Variants in MAP4K3 observed in about 807,000 individuals in gnomAD.
The protein encoded by MAP4K3 is MAPK/ERK kinase kinase kinase 3.
In MAP4K3, 94 loss-of-function variants were observed where a neutral mutation model predicts 143.5. The ratio of observed to expected loss-of-function variants is 0.65; its 90% CI spans 0.55 to 0.78. The LOEUF (loss-of-function observed/expected upper bound fraction) is 0.78. Among genes scored for constraint, MAP4K3 ranks in the 30% least tolerant of loss-of-function variants. The pLI is 0.00. For synonymous variants in MAP4K3, 416 were observed against 347.2 expected (o/e 1.20, Z -2.20); for missense variants, 1,077 against 1,068.1 (o/e 1.01, Z -0.12).
At chr2:39,304,030 C>CT (rs554907829) in intron 15 of MAP4K3, among the ~76,000 whole-genome samples, 1 of 152,088 alleles carries the variant, frequency 6.6e-6, no homozygotes, top group African/African-American at 2.4e-5. Flanking sequence ...GGGCAAAACT[C>CT]TTTTAATTAA....
intron 1 of MAP4K3, among the ~76,000 whole-genome samples, chr2:39,414,408 A>C (rs927138728): frequency 4.6e-5 from 7 of 152,226 alleles, no homozygotes; most frequent in African/African-American, 1.7e-4. Context: ...GCAATTCCAA[A>C]ACAGCTCACA....
chr2:39,265,920 G>A (rs1680744882), intron 27 of MAP4K3, among the ~76,000 whole-genome samples: 1 of 152,108 alleles, frequency 6.6e-6, no homozygotes, highest in East Asian at 1.9e-4. Context: ...GTAAATATAT[G>A]TGAAGTAAAT....
chr2:39,337,816 G>A (rs1573169784), intron 4 of MAP4K3, among the ~76,000 whole-genome samples: 1 of 130,944 alleles, frequency 7.6e-6, no homozygotes, highest in Non-Finnish European at 1.6e-5. Context: ...AGGCTGGAGT[G>A]TAGTGCAATC....
chr2:39,255,794 G>C, intron 31 of MAP4K3, among the ~76,000 whole-genome samples: 1 of 152,144 alleles, frequency 6.6e-6, no homozygotes, highest in Non-Finnish European at 1.5e-5. Context: ...CTACAGTGTT[G>C]GGATTACAGG....
At chr2:39,401,444 T>C (rs1010990269) in intron 1 of MAP4K3, among the ~76,000 whole-genome samples, 3 of 152,240 alleles carry the variant, frequency 2.0e-5, no homozygotes, top group East Asian at 3.9e-4. Context: ...ACTGTCTTAG[T>C]ATTGGGGAAA....
intron 31 of MAP4K3, among the ~76,000 whole-genome samples, chr2:39,255,235 T>C (rs1010591304): frequency 2.0e-5 from 3 of 152,232 alleles, no homozygotes; most frequent in East Asian, 3.8e-4. Context: ...ACAAACAATT[T>C]TGCAATAAAC....
At chr2:39,323,230 A>T (rs1286450583) in intron 12 of MAP4K3, 2 of 152,212 alleles carry the variant, frequency 1.3e-5, no homozygotes, top group Non-Finnish European at 2.9e-5. Flanking sequence ...GATTTGTAAC[A>T]ATTTATAATT....
At chr2:39,270,176 C>T (rs969603303) in intron 26 of MAP4K3, among the ~76,000 whole-genome samples, 20 of 152,084 alleles carry the variant, frequency 1.3e-4, no homozygotes, top group East Asian at 1.9e-4. Flanking sequence ...ATAGGGATGA[C>T]TACTACACAA....
rs537972749 is a variant in MAP4K3, at chr2:39,391,218, G to C, written c.97-13095C>G. Reference sequence around the variant, plus strand: ...AAAAAAACACACAAAAATTAGCCGGGCGTGGTGGCGGGTGCCTGTAGTCTC... The same window carrying C: ...AAAAAAACACACAAAAATTAGCCGGCCGTGGTGGCGGGTGCCTGTAGTCTC... On this transcript the variant is annotated intron_variant, in intron 1 of 33. Transcript: ENST00000263881. 3.5e-3 allele frequency among the ~76,000 whole-genome samples: 526 copies of C among 151,724 alleles called. 5 individuals carry two copies. The highest frequency in any genetic ancestry group is 0.012 in the African/African-American group (502 of 41,394).
intron 2 of MAP4K3, 144 bp downstream of exon 2, chr2:39,377,922 G>A (rs1666261988): frequency 4.8e-6 from 3 of 621,244 alleles, no homozygotes; most frequent in Non-Finnish European, 8.6e-6. Flanking sequence ...ACTTGAAGAA[G>A]TGGAGGAAAG....
intron 2 of MAP4K3, among the ~76,000 whole-genome samples, chr2:39,359,566 G>T (rs758374299): frequency 2.4e-4 from 37 of 152,244 alleles, no homozygotes; most frequent in Non-Finnish European, 4.3e-4. Context: ...CTGTGTGGGG[G>T]CTCCAACCCC....
intron 1 of MAP4K3, among the ~76,000 whole-genome samples, chr2:39,432,424 AC>A (rs1300479671): frequency 1.3e-5 from 2 of 152,120 alleles, no homozygotes; most frequent in African/African-American, 4.8e-5. Context: ...GGGAAATTCT[AC>A]CTTATTCAAC....
chr2:39,399,122 G>C (rs1471778378), intron 1 of MAP4K3, among the ~76,000 whole-genome samples: 1 of 149,982 alleles, frequency 6.7e-6, no homozygotes, highest in South Asian at 2.1e-4. Flanking sequence ...CTGCTCACAC[G>C]AAATTCCCAA....
chr2:39,417,312 C>A (rs12328714), intron 1 of MAP4K3, among the ~76,000 whole-genome samples: 126 of 151,734 alleles, frequency 8.3e-4, no homozygotes, highest in Non-Finnish European at 1.4e-3. Context: ...CTCCTCCTCC[C>A]GGATTCACGC....
intron 21 of MAP4K3, among the ~76,000 whole-genome samples, chr2:39,284,091 ATAT>A (rs760585431): frequency 1.3e-5 from 2 of 152,186 alleles, no homozygotes; most frequent in East Asian, 1.9e-4. Context: ...CAAATAATAT[ATAT>A]TTTTTCTTAT....
At chr2:39,274,010 A>T (rs1681144849) in intron 24 of MAP4K3, among the ~76,000 whole-genome samples, 1 of 152,208 alleles carries the variant, frequency 6.6e-6, no homozygotes, top group South Asian at 2.1e-4. Flanking sequence ...CATATCCACT[A>T]AAAAAGTATC....
At chr2:39,293,808 T>C (rs1042765814) in intron 16 of MAP4K3, 1 of 153,636 alleles carries the variant, frequency 6.5e-6, no homozygotes, top group African/African-American at 2.4e-5. Context: ...ATGAATGTAG[T>C]AGCACTTTGC....
chr2:39,268,566 C>T (rs1030260711), intron 26 of MAP4K3, among the ~76,000 whole-genome samples: 9 of 151,584 alleles, frequency 5.9e-5, no homozygotes, highest in Admixed American at 4.6e-4. Context: ...GGTGATCCGT[C>T]CGCCTCGGAC....
chr2:39,272,070 A>G (rs1681048522), intron 26 of MAP4K3: 4 of 385,282 alleles, frequency 1.0e-5, no homozygotes, highest in African/African-American at 8.3e-5. Context: ...TAAAAAATTC[A>G]GAGAGAAAAT....
Sources: gnomAD v4.1 joint callset for allele counts (sites outside exome capture counted in the v4.1 genomes callset) on GRCh38, gnomAD v4.1.1 for gene constraint, MANE v1.5 for transcripts, NCBI Gene and HGNC (gene_info 2026-07-23, HGNC 2026-07-21) for gene names.